PPM1B: variants seen among roughly 807,000 people sequenced by gnomAD.
The protein encoded by PPM1B is protein phosphatase 1B.
A neutral mutation model predicts 43.0 loss-of-function variants in PPM1B; 22 were observed. That is an observed-to-expected ratio of 0.51 (90% CI 0.37 to 0.73). The LOEUF is 0.73. PPM1B is among the 30% of genes least tolerant of loss of function. PPM1B has a pLI of 0.00. For synonymous variants in PPM1B, 217 were observed against 197.9 expected (o/e 1.10, Z -0.81); for missense variants, 632 against 584.2 (o/e 1.08, Z -0.84).
At chr2:44,209,484 T>C (rs1669353900) in intron 3 of PPM1B, 157 bp downstream of exon 3, 4 of 896,936 alleles carry the variant, frequency 4.5e-6, no homozygotes, top group Admixed American at 6.5e-5. Context: ...ATCAAATGAT[T>C]ATTTTAAAAT....
chr2:44,173,532 A>G (rs950261055), intron 1 of PPM1B, among the ~76,000 whole-genome samples: 1 of 152,240 alleles, frequency 6.6e-6, no homozygotes, highest in African/African-American at 2.4e-5. Context: ...TTCTGAATTA[A>G]TGGTAAACCA....
At chr2:44,199,311 AAAAAAATAAAAAT>A (rs1368252334) in intron 1 of PPM1B, among the ~76,000 whole-genome samples, 4,398 of 137,702 alleles carry the variant, frequency 0.032, 281 homozygotes, top group African/African-American at 0.12. Flanking sequence ...CTCAAAAAAA[AAAAAAATAAAAAT>A]AAAAAAAAAA....
intron 1 of PPM1B, among the ~76,000 whole-genome samples, chr2:44,175,212 C>G (rs544887718): frequency 1.3e-5 from 2 of 152,106 alleles, no homozygotes; most frequent in Admixed American, 6.6e-5. Context: ...TGAAATCGCG[C>G]CACTGCATTC....
chr2:44,172,497 C>T lies in PPM1B; in HGVS notation c.-15+3223C>T, dbSNP rs142665971. On this transcript the variant is annotated intron_variant, in intron 1 of 5. Coordinates refer to ENST00000282412, the MANE Select transcript of PPM1B (RefSeq NM_002706.6). ...ACAAGAACAGGTGAAGAAAAAGGTA[C>T]ATGAGCTTCATAATGTGTATTTTTT... Among the ~76,000 whole-genome samples, 5 of 152,324 alleles carry T rather than the reference C, an allele frequency of 3.3e-5. No individual in the cohort carries two copies. In the East Asian group the frequency reaches 9.6e-4, roughly 29 times the overall value.
chr2:44,201,965 G>C lies in PPM1B; in HGVS notation c.766G>C (p.Glu256Gln). Reference protein sequence around the residue: ...WDVMSNEELCEYVKSRLEVSD... With the variant: ...WDVMSNEELCQYVKSRLEVSD... ...TGTTATGAGTAATGAGGAGCTCTGT[G>C]AATATGTTAAATCTAGGCTTGAGGT... Residue 256 changes from glutamate to glutamine, a missense_variant, in exon 2 of 6, where the codon GAA becomes CAA. Physicochemically the swap from Glu to Gln is conservative, Grantham distance 29 (BLOSUM62 2). Coordinates refer to ENST00000282412, the MANE Select transcript of PPM1B (RefSeq NM_002706.6). This position sits in a 1 kb window ranked among gnomAD's most constrained non-coding sequence, Gnocchi z 5.4. 1.9e-6 allele frequency: 3 copies of C among 1,614,036 alleles called. No individual in the cohort carries two copies. Among genetic ancestry groups the C allele is most frequent in the Non-Finnish European group, 2.5e-6 (3 of 1,179,956 alleles).
At chr2:44,202,432 G>A (rs1482356652) in intron 2 of PPM1B, among the ~76,000 whole-genome samples, 1 of 152,192 alleles carries the variant, frequency 6.6e-6, no homozygotes, top group Non-Finnish European at 1.5e-5. Flanking sequence ...CAAGAGCCAT[G>A]TGAAATATTG....
chr2:44,233,509 G>A, downstream of PPM1B: 3 of 985,122 alleles, frequency 3.0e-6, no homozygotes, highest in Non-Finnish European at 3.6e-6. Context: ...AGAAGTTTCT[G>A]GGTTAGGAGA....
intron 1 of PPM1B, among the ~76,000 whole-genome samples, chr2:44,192,186 T>TATTGTATTG (rs1317680502): frequency 5.9e-3 from 287 of 48,792 alleles, no homozygotes; most frequent in African/African-American, 0.02. Flanking sequence ...TTATGTTATG[T>TATTGTATTG]TATGGTATTG....
intron 1 of PPM1B, among the ~76,000 whole-genome samples, chr2:44,191,647 C>A (rs1329726417): frequency 6.6e-6 from 1 of 152,122 alleles, no homozygotes; most frequent in Non-Finnish European, 1.5e-5. Context: ...TAGAGATTTA[C>A]ATTGTATCAG....
intron 1 of PPM1B, among the ~76,000 whole-genome samples, chr2:44,173,273 T>G (rs1667436355): frequency 6.6e-6 from 1 of 152,250 alleles, no homozygotes; most frequent in Non-Finnish European, 1.5e-5. Context: ...TTTCCAAAAG[T>G]GTAATCTATA....
intron 3 of PPM1B, among the ~76,000 whole-genome samples, chr2:44,209,670 G>T (rs542649084): frequency 2.0e-5 from 3 of 151,728 alleles, no homozygotes; most frequent in Non-Finnish European, 1.5e-5. Context: ...CCAGCTACTC[G>T]GGAGGCTGAG....
Position 44,230,381 on chromosome 2 carries a change from A to G in PPM1B, c.1135-32A>G, listed in dbSNP as rs751312095. 11 of 1,603,216 alleles carry G rather than the reference A, an allele frequency of 6.9e-6. No homozygotes were observed. In the African/African-American group the frequency reaches 1.2e-4, roughly 18 times the overall value. On this transcript the variant is annotated intron_variant, in intron 5 of 5. Coordinates refer to ENST00000282412, the MANE Select transcript of PPM1B (RefSeq NM_002706.6). The stretch of plus-strand genomic sequence containing the variant: ...ATACATGTGATATCCTAGTTTGTCT[A>G]CTGACACTGGGGTCTTGAATCTTAA...
intron 5 of PPM1B, among the ~76,000 whole-genome samples, chr2:44,225,819 G>A (rs1670183438): frequency 6.6e-6 from 1 of 151,922 alleles, no homozygotes; most frequent in Non-Finnish European, 1.5e-5. Flanking sequence ...ACCACGCCTG[G>A]CTAATTTTTC....
At chr2:44,206,296 T>C (rs1045089012) in intron 2 of PPM1B, among the ~76,000 whole-genome samples, 1 of 152,196 alleles carries the variant, frequency 6.6e-6, no homozygotes, top group Non-Finnish European at 1.5e-5. Context: ...GTTTTGTCTC[T>C]AAAAAACAAT....
intron 3 of PPM1B, chr2:44,213,898 C>T (rs1669599230): frequency 6.6e-6 from 1 of 152,088 alleles, no homozygotes; most frequent in Admixed American, 6.5e-5. Context: ...TATAGTTTAT[C>T]AGAAGGTGGG....
downstream of PPM1B, chr2:44,232,646 C>T (rs1670501045): frequency 1.1e-5 from 13 of 1,195,720 alleles, no homozygotes; most frequent in Non-Finnish European, 1.2e-5. Context: ...AACAATGTGC[C>T]TGAGGTGCAT....
chr2:44,193,595 TGA>T (rs1668512615), intron 1 of PPM1B, among the ~76,000 whole-genome samples: 1 of 129,914 alleles, frequency 7.7e-6, no homozygotes, highest in Admixed American at 7.5e-5. Context: ...TTTTTTTTTT[TGA>T]GAGACAGAGT....
downstream of PPM1B, among the ~76,000 whole-genome samples, chr2:44,236,664 A>T (rs1670632729): frequency 6.6e-6 from 1 of 152,216 alleles, no homozygotes; most frequent in Non-Finnish European, 1.5e-5. Context: ...TACGCAAACC[A>T]GAGGAATATA....
In PPM1B at chr2:44,231,310, T is replaced by C; in HGVS notation, c.*592T>C. ...CTATTTTTCCTTTCTCTGTATTCTTTATGAAACATAACTTTTGAAAAACCT... is the reference window on the plus strand; with the variant it reads ...CTATTTTTCCTTTCTCTGTATTCTTCATGAAACATAACTTTTGAAAAACCT... On this transcript the variant is annotated 3_prime_UTR_variant, in exon 6 of 6. Transcript: ENST00000282412. 1 of 980,336 alleles carries C rather than the reference T, an allele frequency of 1.0e-6. No homozygotes were observed. The highest frequency in any genetic ancestry group is 1.2e-6 in the Non-Finnish European group (1 of 825,310). 60.7% of individuals were successfully genotyped at this position (980,336 alleles called of 1,614,324 possible).
Sources: gnomAD v4.1 joint callset for allele counts (sites outside exome capture counted in the v4.1 genomes callset) on GRCh38, gnomAD v4.1.1 for gene constraint, Gnocchi (gnomAD v3.1) non-coding constraint, MANE v1.5 for transcripts, NCBI Gene and HGNC (gene_info 2026-07-23, HGNC 2026-07-21) for gene names.